HESX1: variants seen among roughly 807,000 people sequenced by gnomAD.
HESX1 encodes the protein HESX homeobox 1.
HESX1 carries 11 observed loss-of-function variants against 22.5 expected under a neutral mutation model. The ratio of observed to expected loss-of-function variants is 0.49; its 90% CI spans 0.31 to 0.81. The LOEUF (loss-of-function observed/expected upper bound fraction) is 0.81, where lower values mean the gene tolerates loss of function less well. Ranked by LOEUF, HESX1 falls within the 30% of genes least tolerant of loss-of-function variation. HESX1 has a pLI of 0.05. For missense variants in HESX1, 201 were observed against 212.6 expected (o/e 0.95, Z 0.34); for synonymous variants, 74 against 76.5 (o/e 0.97, Z 0.17).
chr3:57,223,302 C>T (rs1314608322), intron 1 of HESX1, among the ~76,000 whole-genome samples: 1 of 152,154 alleles, frequency 6.6e-6, no homozygotes, highest in Non-Finnish European at 1.5e-5. Context: ...TCTTGGCCTG[C>T]TCAGACAAAT....
chr3:57,212,287 G>A (rs532431582), intron 1 of HESX1, among the ~76,000 whole-genome samples: 51 of 152,192 alleles, frequency 3.4e-4, no homozygotes, highest in African/African-American at 1.1e-3. Context: ...TAGGCTGGGC[G>A]TGGTGGCTCA....
At chr3:57,205,318 G>T (rs970852522) in intron 1 of HESX1, among the ~76,000 whole-genome samples, 2 of 152,328 alleles carry the variant, frequency 1.3e-5, no homozygotes, top group African/African-American at 4.8e-5. Context: ...GCTGAGGTGG[G>T]AGGATCGCTT....
intron 1 of HESX1, among the ~76,000 whole-genome samples, chr3:57,215,547 T>C (rs893754432): frequency 7.6e-6 from 1 of 131,518 alleles, no homozygotes; most frequent in African/African-American, 2.7e-5. Flanking sequence ...AGCAGGTGGA[T>C]CACCTGAGGT....
exon 1 of HESX1, chr3:57,226,374 G>A (rs2060644894): frequency 6.6e-6 from 1 of 152,124 alleles, no homozygotes; most frequent in Admixed American, 6.5e-5. Flanking sequence ...CAAGGAAAAA[G>A]AAACTGTAAC....
At chr3:57,212,966 G>A (rs1216234775) in intron 1 of HESX1, among the ~76,000 whole-genome samples, 2 of 151,792 alleles carry the variant, frequency 1.3e-5, no homozygotes. Context: ...GACAGGCCTC[G>A]GTGTGTGATG....
chr3:57,218,439 C>CTTTTTT (rs60734023), intron 1 of HESX1, among the ~76,000 whole-genome samples: 27 of 102,258 alleles, frequency 2.6e-4, no homozygotes, highest in African/African-American at 4.8e-4. Context: ...TGATCTCATT[C>CTTTTTT]TTTTTTTTTT....
intron 1 of HESX1, among the ~76,000 whole-genome samples, chr3:57,208,107 G>T (rs568660484): frequency 3.3e-5 from 5 of 152,244 alleles, no homozygotes; most frequent in African/African-American, 1.2e-4. Flanking sequence ...GAAGGTGGGG[G>T]TGATGGCAGG....
intron 1 of HESX1, among the ~76,000 whole-genome samples, chr3:57,219,662 T>C (rs1336608716): frequency 6.6e-6 from 1 of 152,200 alleles, no homozygotes; most frequent in East Asian, 1.9e-4. Context: ...CCACCGCACC[T>C]GGCCTCCTTT....
Position 57,198,032 on chromosome 3 carries a change from C to G in HESX1, c.*165G>C. On this transcript the variant is annotated 3_prime_UTR_variant, in exon 4 of 4. Coordinates refer to ENST00000295934, the MANE Select transcript of HESX1 (RefSeq NM_003865.3). The stretch of plus-strand genomic sequence containing the variant: ...GGTCTTTACTATAACTAAAAGTGCC[C>G]AAATATGTACCATGCTATAATAGTA... 3.7e-6 allele frequency: 2 copies of G among 546,958 alleles called. No individual in the cohort carries two copies. The highest frequency in any genetic ancestry group is 6.5e-6 in the Non-Finnish European group (2 of 307,660). The allele number at this position is 546,958 out of a possible 1,614,324, so 33.9% of individuals were successfully genotyped here.
At chr3:57,217,657 G>T (rs1251965877) in intron 1 of HESX1, among the ~76,000 whole-genome samples, 1 of 152,012 alleles carries the variant, frequency 6.6e-6, no homozygotes, top group Non-Finnish European at 1.5e-5. Context: ...GAGGTATAAG[G>T]CTCTGAGACT....
intron 1 of HESX1, among the ~76,000 whole-genome samples, chr3:57,218,221 C>G (rs2060594347): frequency 6.6e-6 from 1 of 151,980 alleles, no homozygotes; most frequent in Non-Finnish European, 1.5e-5. Flanking sequence ...AGCCTAGCAC[C>G]CAATAGTTAT....
exon 1 of HESX1, chr3:57,226,394 A>G (rs1205681270): frequency 6.6e-6 from 1 of 152,168 alleles, no homozygotes; most frequent in Non-Finnish European, 1.5e-5. Context: ...CACAACTGGG[A>G]ACCCTTAACT....
At chr3:57,200,009 T>C (rs1579349613), upstream of HESX1, 2 of 1,101,954 alleles carry the variant, frequency 1.8e-6, no homozygotes, top group African/African-American at 1.5e-5. Flanking sequence ...GTTCACCTTA[T>C]AGCTCCGCTG....
intron 1 of HESX1, among the ~76,000 whole-genome samples, chr3:57,211,788 G>A (rs905664218): frequency 2.6e-5 from 4 of 151,586 alleles, no homozygotes; most frequent in Non-Finnish European, 4.4e-5. Context: ...AGGTGAGATC[G>A]CGCCACTGCA....
intron 1 of HESX1, among the ~76,000 whole-genome samples, chr3:57,226,118 T>G (rs1426417194): frequency 1.3e-5 from 2 of 151,946 alleles, no homozygotes; most frequent in Non-Finnish European, 2.9e-5. Flanking sequence ...CCTCAGGTGA[T>G]CCAGCTGCCA....
upstream of HESX1, among the ~76,000 whole-genome samples, chr3:57,203,931 A>G (rs1315114021): frequency 1.3e-5 from 2 of 152,096 alleles, no homozygotes; most frequent in South Asian, 4.1e-4. Context: ...TCGTCCTCCC[A>G]AAGTGCTGGA....
upstream of HESX1, among the ~76,000 whole-genome samples, chr3:57,201,201 G>A (rs1306218369): frequency 1.3e-5 from 2 of 152,154 alleles, no homozygotes; most frequent in African/African-American, 4.8e-5. Flanking sequence ...CAAATATTGA[G>A]CTAAATTCCT....
intron 1 of HESX1, among the ~76,000 whole-genome samples, chr3:57,217,658 C>T (rs1014878171): frequency 5.9e-5 from 9 of 152,154 alleles, no homozygotes; most frequent in African/African-American, 2.2e-4. Flanking sequence ...AGGTATAAGG[C>T]TCTGAGACTC....
chr3:57,201,008 C>T (rs2060482370), upstream of HESX1, among the ~76,000 whole-genome samples: 1 of 152,186 alleles, frequency 6.6e-6, no homozygotes, highest in Non-Finnish European at 1.5e-5. Flanking sequence ...AGTTTTTATA[C>T]TCTGCTCCTC....
Sources: allele counts gnomAD v4.1 joint callset (sites outside exome capture counted in the v4.1 genomes callset), GRCh38; gene constraint gnomAD v4.1.1; transcripts MANE v1.5; gene names NCBI Gene and HGNC (gene_info 2026-07-23, HGNC 2026-07-21).